Variants in PPP2R3A observed in about 807,000 individuals in gnomAD.
PPP2R3A encodes the protein serine/threonine-protein phosphatase 2A regulatory subunit B'' subunit alpha.
PPP2R3A carries 80 observed loss-of-function variants against 106.9 expected under a neutral mutation model. The observed-to-expected ratio is 0.75, with a 90% CI of 0.62 to 0.90. The LOEUF is 0.90. Ranked by LOEUF, PPP2R3A falls within the 40% of genes least tolerant of loss-of-function variation. PPP2R3A has a pLI of 0.00. For synonymous variants in PPP2R3A, 483 were observed against 468.3 expected, an observed-to-expected ratio of 1.03 and a Z score of -0.41; for missense variants, 1,386 against 1,350.4, an observed-to-expected ratio of 1.03 and a Z score of -0.41.
chr3:136,092,324 C>T (rs781595589), intron 10 of PPP2R3A, among the ~76,000 whole-genome samples: 1 of 151,914 alleles, frequency 6.6e-6, no homozygotes, highest in Non-Finnish European at 1.5e-5. Flanking sequence ...GAGCAAAACT[C>T]CATCACCAAA....
chr3:135,985,762 C>T (rs1932893993), intron 1 of PPP2R3A, among the ~76,000 whole-genome samples: 2 of 151,962 alleles, frequency 1.3e-5, no homozygotes, highest in African/African-American at 4.8e-5. Flanking sequence ...GGGTAGAGAA[C>T]AAGATCAGCA....
Position 136,001,796 on chromosome 3 carries a change from G to A in PPP2R3A, c.298G>A (p.Gly100Arg), listed in dbSNP as rs1474172402. The change falls in exon 2 of 14, where the codon GGA becomes AGA. Residue 100 changes from glycine to arginine, a missense_variant. Gly to Arg is a moderately radical substitution (Grantham distance 125, BLOSUM62 -2). Transcript: ENST00000264977. ...CACAGGCATACCCAGGGTCAAGAGA[G>A]GATCTACATTTCAGAATACCTACAA... ...AFTGIPRVKR[G>R]STFQNTYNLK... The A allele has an allele frequency of 3.7e-6, 6 of 1,614,016 alleles. No homozygotes were observed. Among genetic ancestry groups the A allele is most frequent in the African/African-American group, 1.3e-5 (1 of 74,912 alleles).
At chr3:136,050,621 GTTTTC>G in intron 5 of PPP2R3A, among the ~76,000 whole-genome samples, 1 of 152,310 alleles carries the variant, frequency 6.6e-6, no homozygotes, top group South Asian at 2.1e-4. Flanking sequence ...ACACACAGCT[GTTTTC>G]TTTTAAGGTT....
chr3:136,079,485 C>T (rs1936713395), intron 7 of PPP2R3A, among the ~76,000 whole-genome samples: 2 of 151,208 alleles, frequency 1.3e-5, no homozygotes, highest in Non-Finnish European at 2.9e-5. Flanking sequence ...CTGGGTTCAC[C>T]ACAATGTCCG....
At chr3:136,137,657 TC>T (rs765314836) in intron 13 of PPP2R3A, among the ~76,000 whole-genome samples, 3 of 150,108 alleles carry the variant, frequency 2.0e-5, no homozygotes, top group Non-Finnish European at 4.4e-5. Flanking sequence ...TTCTCCTGGC[TC>T]AGCCTACCGA....
intron 7 of PPP2R3A, chr3:136,079,184 A>G (rs776014156): frequency 4.4e-6 from 2 of 455,370 alleles, no homozygotes; most frequent in South Asian, 3.1e-5. Context: ...GCAGTCCATG[A>G]TGGATATACA....
chr3:136,058,065 G>A (rs887609147), intron 5 of PPP2R3A, among the ~76,000 whole-genome samples: 3 of 152,108 alleles, frequency 2.0e-5, no homozygotes, highest in Non-Finnish European at 2.9e-5. Context: ...AGTGAATGGA[G>A]GCATAACAAA....
At chr3:136,115,911 C>T (rs2107991336) in intron 13 of PPP2R3A, among the ~76,000 whole-genome samples, 1 of 151,918 alleles carries the variant, frequency 6.6e-6, no homozygotes, top group African/African-American at 2.4e-5. Context: ...CAAAGATACC[C>T]CTTGAGAAGA....
At chr3:136,063,037 T>C (rs901153597) in intron 5 of PPP2R3A, among the ~76,000 whole-genome samples, 32 of 152,240 alleles carry the variant, frequency 2.1e-4, no homozygotes, top group Non-Finnish European at 3.5e-4. Flanking sequence ...AAGGCTACAA[T>C]AACCAAAACA....
intron 13 of PPP2R3A, among the ~76,000 whole-genome samples, chr3:136,120,138 G>A (rs546289683): frequency 1.5e-4 from 23 of 151,916 alleles, no homozygotes; most frequent in Non-Finnish European, 2.9e-4. Context: ...CTGTCCGGGG[G>A]GGGTGGGGGC....
intron 13 of PPP2R3A, among the ~76,000 whole-genome samples, chr3:136,108,058 C>A (rs548391703): frequency 1.2e-4 from 19 of 152,190 alleles, no homozygotes; most frequent in African/African-American, 4.6e-4. Context: ...ACAAAAAATA[C>A]AAAAGTTAGC....
intron 5 of PPP2R3A, among the ~76,000 whole-genome samples, chr3:136,062,126 C>T (rs1431754768): frequency 6.6e-6 from 1 of 152,108 alleles, no homozygotes; most frequent in Admixed American, 6.5e-5. Flanking sequence ...GAATGAGGTT[C>T]ACATAAACCT....
In PPP2R3A at chr3:136,143,457, C is replaced by T. The variant is rs527547875; in HGVS notation, c.3330-1586C>T. ...AGTGAACCAAGATCATGCCACTGCA[C>T]TCCAGCCTGGGCAACAGAGCAAGAC... On this transcript the variant is annotated intron_variant, in intron 13 of 13. Transcript: ENST00000264977. 6.0e-4 allele frequency among the ~76,000 whole-genome samples: 91 copies of T among 152,060 alleles called. 1 individual carries two copies. The South Asian group carries it at 0.018, about 30-fold the overall frequency.
Position 136,002,796 on chromosome 3 carries a change from CAG to C in PPP2R3A, c.1302_1303del (p.Asn435TrpfsTer3). 1 of 1,613,556 alleles carries C rather than the reference CAG, an allele frequency of 6.2e-7. No homozygotes were observed. Among genetic ancestry groups the C allele is most frequent in the Non-Finnish European group, 8.5e-7 (1 of 1,179,664 alleles). ...AAAGCATTAGATAAAGGACAAAAGA[CAG>C]AGAATGGACCTAGTCATGAGTTATT... On this transcript the variant is annotated frameshift_variant, in exon 2 of 14. Transcript: ENST00000264977. LOFTEE classifies it high-confidence loss of function.
intron 1 of PPP2R3A, among the ~76,000 whole-genome samples, chr3:135,992,283 A>C (rs998251899): frequency 6.6e-6 from 1 of 152,158 alleles, no homozygotes; most frequent in Non-Finnish European, 1.5e-5. Context: ...CTTCTGAATC[A>C]TTACACCTTG....
At chr3:136,137,534 A>ATTTTTGTTTTTTTT (rs1938669368) in intron 13 of PPP2R3A, among the ~76,000 whole-genome samples, 1 of 40,528 alleles carries the variant, frequency 2.5e-5, no homozygotes, top group African/African-American at 8.1e-5. Flanking sequence ...TCTGTCAGAG[A>ATTTTTGTTTTTTTT]TTTTTTTTTT....
chr3:136,025,703 G>A (rs555874450), intron 2 of PPP2R3A, among the ~76,000 whole-genome samples: 1 of 151,952 alleles, frequency 6.6e-6, no homozygotes, highest in East Asian at 1.9e-4. Flanking sequence ...ATGGCATTAG[G>A]GTAATTTAAG....
intron 9 of PPP2R3A, among the ~76,000 whole-genome samples, chr3:136,089,176 G>T (rs1300403830): frequency 2.0e-5 from 3 of 152,080 alleles, no homozygotes; most frequent in Non-Finnish European, 4.4e-5. Flanking sequence ...GTCAAGAAGG[G>T]TATTTCCTAG....
chr3:136,093,725 T>C (rs996334045), intron 10 of PPP2R3A, among the ~76,000 whole-genome samples: 2 of 152,180 alleles, frequency 1.3e-5, no homozygotes, highest in African/African-American at 2.4e-5. Flanking sequence ...CTAGGATAGT[T>C]ATCAAAGAGT....
Sources: allele counts gnomAD v4.1 joint callset (sites outside exome capture counted in the v4.1 genomes callset), GRCh38; gene constraint gnomAD v4.1.1; transcripts MANE v1.5; gene names NCBI Gene and HGNC (gene_info 2026-07-23, HGNC 2026-07-21).